CRACDL: variants seen among roughly 807,000 people sequenced by gnomAD.
CRACDL encodes CRACD like, also known as CRACD-like protein.
In CRACDL, 26 loss-of-function variants were observed where a neutral mutation model predicts 70.6. The ratio of observed to expected loss-of-function variants is 0.37; its 90% CI spans 0.27 to 0.51. The LOEUF (loss-of-function observed/expected upper bound fraction) is 0.51, where lower values mean the gene tolerates loss of function less well. Ranked by LOEUF, CRACDL falls within the 20% of genes least tolerant of loss-of-function variation. The pLI is 0.94. For missense variants in CRACDL, 1,283 were observed against 1,376.9 expected (o/e 0.93, Z 1.08); for synonymous variants, 618 against 615.2 (o/e 1.00, Z -0.07).
chr2:98,914,374 C>T (rs1708618194), intron 1 of CRACDL, among the ~76,000 whole-genome samples: 1 of 152,206 alleles, frequency 6.6e-6, no homozygotes, highest in African/African-American at 2.4e-5. Context: ...ACCCTCCCCT[C>T]AAGGTTGGGG....
intron 7 of CRACDL, among the ~76,000 whole-genome samples, chr2:98,813,424 C>T (rs1704653431): frequency 6.6e-6 from 1 of 151,990 alleles, no homozygotes; most frequent in African/African-American, 2.4e-5. Flanking sequence ...AAGAGCAAGA[C>T]TCTGTCTTAA....
chr2:98,890,537 T>C (rs1247348672), intron 1 of CRACDL, among the ~76,000 whole-genome samples: 1 of 152,236 alleles, frequency 6.6e-6, no homozygotes, highest in Non-Finnish European at 1.5e-5. Context: ...AAGGCTCAGG[T>C]GGCTTCTACC....
At chr2:98,848,795 C>T (rs1207256554) in intron 1 of CRACDL, among the ~76,000 whole-genome samples, 2 of 152,170 alleles carry the variant, frequency 1.3e-5, no homozygotes, top group African/African-American at 2.4e-5. Context: ...GCCATGTTGG[C>T]CAGGCTGGTC....
At chr2:98,832,597 GA>G in intron 4 of CRACDL, 85 bp from the exon 5 acceptor site, 1 of 1,308,302 alleles carries the variant, frequency 7.6e-7, no homozygotes, top group Non-Finnish European at 1.1e-6. Flanking sequence ...ATTCATGCTG[GA>G]AATGCCTTCA....
At chr2:98,829,651 G>GTC (rs1559220625) in intron 5 of CRACDL, among the ~76,000 whole-genome samples, 1 of 152,186 alleles carries the variant, frequency 6.6e-6, no homozygotes, top group Admixed American at 6.5e-5. Flanking sequence ...TCTAGCATGT[G>GTC]TCTCTCTGTT....
chr2:98,837,967 G>C (rs1705867822), intron 3 of CRACDL, 152 bp downstream of exon 3: 2 of 603,508 alleles, frequency 3.3e-6, no homozygotes, highest in Non-Finnish European at 5.5e-6. Flanking sequence ...TCCATCCCTA[G>C]GTTTGAAAAG....
chr2:98,922,558 G>T (rs1708829611), intron 1 of CRACDL, among the ~76,000 whole-genome samples: 1 of 152,236 alleles, frequency 6.6e-6, no homozygotes, highest in African/African-American at 2.4e-5. Flanking sequence ...GGGCCAGCTG[G>T]CCTGGACCTG....
chr2:98,814,745 C>T (rs1704712953), intron 7 of CRACDL, among the ~76,000 whole-genome samples: 1 of 152,094 alleles, frequency 6.6e-6, no homozygotes, highest in Admixed American at 6.6e-5. Context: ...CTACCTGCTA[C>T]TTTTCTTGAC....
intron 1 of CRACDL, among the ~76,000 whole-genome samples, chr2:98,877,431 T>C (rs1707513750): frequency 6.6e-6 from 1 of 152,156 alleles, no homozygotes; most frequent in Non-Finnish European, 1.5e-5. Context: ...GTTAGAGACA[T>C]TGTAACATCA....
Position 98,822,270 on chromosome 2 carries a change from G to C in CRACDL, c.2003C>G (p.Pro668Arg), listed in dbSNP as rs571671010. 3.8e-6 allele frequency: 6 copies of C among 1,587,948 alleles called. No homozygotes were observed. The African/African-American group carries it at 6.8e-5, about 18-fold the overall frequency. The change falls in exon 7 of 10, where the codon CCA (proline) becomes CGA (arginine). Residue 668 changes from proline to arginine, a missense_variant. Around this residue, in one of 2 missense-constraint regions of CRACDL, gnomAD observed 921 missense variants for 881.9 expected, o/e 1.04. Transcript: ENST00000397899. The surrounding 1 kb of genome is among the most constrained non-coding windows in gnomAD (Gnocchi z 4.9). ...ACTCGGGGCCGGCTCCTGGGCGGCT[G>C]GGCAGGGCTCTCTCGTGCCGGGCGC... ...AAAPGTREPC[P>R]AAQEPAPSED...
intron 1 of CRACDL, among the ~76,000 whole-genome samples, chr2:98,889,180 AGAAG>A (rs896907550): frequency 2.0e-5 from 3 of 149,654 alleles, no homozygotes; most frequent in African/African-American, 2.5e-5. Flanking sequence ...GGGGAAGGAA[AGAAG>A]GAAGGAAGGA....
chr2:98,868,379 C>T (rs1707226686), intron 1 of CRACDL, among the ~76,000 whole-genome samples: 1 of 152,206 alleles, frequency 6.6e-6, no homozygotes, highest in Admixed American at 6.5e-5. Context: ...CAGAGACTGC[C>T]CTACTGGGAA....
intron 9 of CRACDL, among the ~76,000 whole-genome samples, chr2:98,795,892 C>G (rs555018120): frequency 6.6e-6 from 1 of 152,276 alleles, no homozygotes; most frequent in East Asian, 1.9e-4. Flanking sequence ...TTTAAGTAGA[C>G]CTGTGCAGTT....
At chr2:98,837,928 T>C (rs965469021) in intron 3 of CRACDL, among the ~76,000 whole-genome samples, 191 bp downstream of exon 3, 2 of 152,156 alleles carry the variant, frequency 1.3e-5, no homozygotes, top group African/African-American at 4.8e-5. Context: ...CTCCCACAGT[T>C]ATTGTGGACT....
chr2:98,800,342 G>A (rs1370098083), intron 7 of CRACDL, among the ~76,000 whole-genome samples: 1 of 152,122 alleles, frequency 6.6e-6, no homozygotes, highest in Admixed American at 6.5e-5. Context: ...TGGGGTTGGG[G>A]GCAGGTGGAG....
intron 1 of CRACDL, among the ~76,000 whole-genome samples, chr2:98,884,601 T>A (rs551363749): frequency 1.3e-5 from 2 of 152,264 alleles, no homozygotes; most frequent in South Asian, 4.1e-4. Context: ...TAATCCCCAG[T>A]GCAATGGTAT....
chr2:98,899,062 A>G (rs1326489908), intron 1 of CRACDL, among the ~76,000 whole-genome samples: 2 of 152,094 alleles, frequency 1.3e-5, no homozygotes, highest in Non-Finnish European at 2.9e-5. Flanking sequence ...TGCTTTGTCA[A>G]ACCAAACAGG....
In CRACDL at chr2:98,822,277, G is replaced by T; in HGVS notation, c.1996C>A (p.Pro666Thr). 6.3e-7 allele frequency: 1 copy of T among 1,575,842 alleles called. No homozygotes were observed. The highest frequency in any genetic ancestry group is 8.6e-7 in the Non-Finnish European group (1 of 1,169,294). ...GCCGGCTCCTGGGCGGCTGGGCAGG[G>T]CTCTCTCGTGCCGGGCGCGGCGGCC... ...EAAAAPGTRE[P>T]CPAAQEPAPS... The change falls in exon 7 of 10, where the codon CCC becomes ACC. Residue 666 changes from proline to threonine, a missense_variant. Transcript: ENST00000397899. This position sits in a 1 kb window ranked among gnomAD's most constrained non-coding sequence, Gnocchi z 4.9.
Position 98,794,500 on chromosome 2 carries a change from T to C in CRACDL, c.*32A>G, listed in dbSNP as rs764073057. 1.3e-6 allele frequency: 2 copies of C among 1,598,004 alleles called. No homozygotes were observed. Among genetic ancestry groups the C allele is most frequent in the Non-Finnish European group, 1.7e-6 (2 of 1,168,366 alleles). ...TTTTTAACTAAGTGGCTTGTCAGGG[T>C]AGTGGACATGCTTTATCAGCACACT... On this transcript the variant is annotated 3_prime_UTR_variant, in exon 10 of 10. Coordinates refer to ENST00000397899, the MANE Select transcript of CRACDL (RefSeq NM_207362.3).
Sources: gnomAD v4.1 joint callset for allele counts (sites outside exome capture counted in the v4.1 genomes callset) on GRCh38, gnomAD v4.1.1 for gene constraint, gnomAD v4.1.1 regional missense constraint, Gnocchi (gnomAD v3.1) non-coding constraint, MANE v1.5 for transcripts, NCBI Gene and HGNC (gene_info 2026-07-23, HGNC 2026-07-21) for gene names.